Variants in SLC60A1 observed in about 807,000 individuals in gnomAD.
The protein encoded by SLC60A1 is major facilitator superfamily domain containing 4.
At chr1:205,576,481 A>G in the SLC60A1 span, among the ~76,000 whole-genome samples, 1 of 152,224 alleles carries the variant, frequency 6.6e-6, no homozygotes, top group South Asian at 2.1e-4. Context: ...GGGGCTAAGC[A>G]TAAGTGGCTT....
chr1:205,581,763 C>T, the SLC60A1 span, among the ~76,000 whole-genome samples: 1 of 152,186 alleles, frequency 6.6e-6, no homozygotes, highest in African/African-American at 2.4e-5. This position sits in a 1 kb window ranked among gnomAD's most constrained non-coding sequence, Gnocchi z 4.2. Flanking sequence ...CTCAGCTCTC[C>T]TGGGGCAGGT....
the SLC60A1 span, chr1:205,600,546 G>A: frequency 7.2e-7 from 1 of 1,395,244 alleles, no homozygotes; most frequent in East Asian, 2.3e-5. Flanking sequence ...GGTGGTGGTG[G>A]AGGCGCTCTC....
At chr1:205,595,593 C>T in the SLC60A1 span, among the ~76,000 whole-genome samples, 1 of 152,230 alleles carries the variant, frequency 6.6e-6, no homozygotes, top group Non-Finnish European at 1.5e-5. Context: ...CAATAGCACA[C>T]CTGGCAGTCC....
chr1:205,588,912 T>G, the SLC60A1 span, among the ~76,000 whole-genome samples: 14 of 146,602 alleles, frequency 9.5e-5, no homozygotes, highest in Non-Finnish European at 2.1e-4. Context: ...AGGGTGAGGG[T>G]GTAGGCAGTG....
the SLC60A1 span, among the ~76,000 whole-genome samples, chr1:205,594,755 C>T: frequency 6.6e-6 from 1 of 152,120 alleles, no homozygotes; most frequent in South Asian, 2.1e-4. Context: ...TCTTTATCTT[C>T]ATTGACCTGC....
At chr1:205,574,057 T>C in the SLC60A1 span, among the ~76,000 whole-genome samples, 1 of 152,162 alleles carries the variant, frequency 6.6e-6, no homozygotes, top group South Asian at 2.1e-4. Flanking sequence ...GTAGTGATGG[T>C]TTTACAACTC....
At chr1:205,601,629 G>GCTCACT in the SLC60A1 span, 1 of 152,168 alleles carries the variant, frequency 6.6e-6, no homozygotes, top group South Asian at 2.1e-4. Flanking sequence ...CTGTTGCCAG[G>GCTCACT]CTGGAATGCA....
the SLC60A1 span, among the ~76,000 whole-genome samples, chr1:205,577,630 T>G: frequency 6.6e-6 from 1 of 152,158 alleles, no homozygotes; most frequent in South Asian, 2.1e-4. This position sits in a 1 kb window ranked among gnomAD's most constrained non-coding sequence, Gnocchi z 5.2. Context: ...GGCACTCCCC[T>G]CTCCAGCCTG....
At chr1:205,587,673 G>A in the SLC60A1 span, among the ~76,000 whole-genome samples, 1 of 152,164 alleles carries the variant, frequency 6.6e-6, no homozygotes, top group Non-Finnish European at 1.5e-5. Context: ...TTGTGAGAGA[G>A]TAACCGAGTG....
At chr1:205,588,841 T>G in the SLC60A1 span, among the ~76,000 whole-genome samples, 15 of 152,286 alleles carry the variant, frequency 9.8e-5, no homozygotes, top group African/African-American at 3.6e-4. Flanking sequence ...GAAGACAAGG[T>G]TCTTGCTTCC....
the SLC60A1 span, among the ~76,000 whole-genome samples, chr1:205,578,334 A>G: frequency 1.3e-5 from 2 of 152,090 alleles, no homozygotes; most frequent in African/African-American, 2.4e-5. Context: ...GAGAACTATG[A>G]TGAGCAGCCT....
the SLC60A1 span, chr1:205,600,650 C>T: frequency 1.7e-6 from 1 of 585,832 alleles, no homozygotes; most frequent in Non-Finnish European, 3.1e-6. Flanking sequence ...TAGAAGTTTA[C>T]CTGGCTTCTC....
chr1:205,589,769 A>T, the SLC60A1 span, among the ~76,000 whole-genome samples: 2 of 152,154 alleles, frequency 1.3e-5, no homozygotes, highest in Non-Finnish European at 2.9e-5. Flanking sequence ...TGCATTTTAA[A>T]AGTGCACTCC....
the SLC60A1 span, chr1:205,584,993 T>C: frequency 6.2e-7 from 1 of 1,612,980 alleles, no homozygotes; most frequent in East Asian, 2.2e-5. Context: ...GGGTTGACGG[T>C]GAGCCTGCCT....
the SLC60A1 span, chr1:205,600,377 A>G: frequency 1.2e-6 from 2 of 1,611,294 alleles, no homozygotes; most frequent in Non-Finnish European, 1.7e-6. Flanking sequence ...CTGCTGAAAC[A>G]TGCTACCTGT....
At chr1:205,588,703 C>T in the SLC60A1 span, among the ~76,000 whole-genome samples, 2 of 152,050 alleles carry the variant, frequency 1.3e-5, no homozygotes, top group Non-Finnish European at 2.9e-5. Flanking sequence ...TCCGAGTATT[C>T]CTCTCTAGGT....
chr1:205,578,459 G>C, the SLC60A1 span, among the ~76,000 whole-genome samples: 1 of 152,146 alleles, frequency 6.6e-6, no homozygotes, highest in East Asian at 1.9e-4. Context: ...CATGAGTTCT[G>C]AGCTGGGAAC....
the SLC60A1 span, chr1:205,602,526 T>C: frequency 6.5e-6 from 1 of 152,696 alleles, no homozygotes; most frequent in East Asian, 1.9e-4. Flanking sequence ...ACACACAAAC[T>C]GCTTAATAAA....
the SLC60A1 span, among the ~76,000 whole-genome samples, chr1:205,590,067 A>G: frequency 6.6e-5 from 10 of 152,340 alleles, no homozygotes; most frequent in East Asian, 1.5e-3. Flanking sequence ...GAGGAAATTA[A>G]GAGTCTAGTT....
Sources: allele counts gnomAD v4.1 joint callset (sites outside exome capture counted in the v4.1 genomes callset), GRCh38; gene constraint gnomAD v4.1.1; non-coding constraint Gnocchi (gnomAD v3.1); transcripts MANE v1.5; gene names NCBI Gene and HGNC (gene_info 2026-07-23, HGNC 2026-07-21).